The following DST variants were observed in gnomAD, a reference collection of about 807,000 sequenced individuals.
DST encodes the protein bullous pemphigoid antigen.
A neutral mutation model predicts 875.2 loss-of-function variants in DST; 253 were observed. That is an observed-to-expected ratio of 0.29 (90% confidence interval 0.26 to 0.32). The LOEUF (loss-of-function observed/expected upper bound fraction) is 0.32, where lower values mean the gene tolerates loss of function less well. Among genes scored for constraint, DST ranks in the 10% least tolerant of loss-of-function variants. The pLI, the probability that DST is intolerant of heterozygous loss-of-function variation, is 1.00. For synonymous variants in DST, 3,124 were observed against 3,197.1 expected (o/e 0.98, Z 0.77); for missense variants, 8,287 against 9,111.6 (o/e 0.91, Z 3.68).
chr6:56,727,341 C>T (rs903939857), intron 5 of DST, among the ~76,000 whole-genome samples: 1 of 152,120 alleles, frequency 6.6e-6, no homozygotes, highest in Non-Finnish European at 1.5e-5. Flanking sequence ...GGGCACATTT[C>T]GTCAGGACCT....
chr6:56,788,316 C>T (rs889215570), intron 4 of DST, among the ~76,000 whole-genome samples: 5 of 151,660 alleles, frequency 3.3e-5, no homozygotes, highest in Non-Finnish European at 7.4e-5. Context: ...ATTATCCTGC[C>T]TTAGCCTCCC....
intron 4 of DST, chr6:56,843,157 T>A: frequency 1.3e-6 from 2 of 1,558,518 alleles, no homozygotes; most frequent in Non-Finnish European, 1.7e-6. Flanking sequence ...CCGAAGTTTA[T>A]CTAAGCGATG....
Position 56,597,892 on chromosome 6 carries a change from T to C in DST, c.12043A>G (p.Ile4015Val), listed in dbSNP as rs201249286. The change falls in exon 47 of 104, where the codon ATC becomes GTC. Residue 4015 changes from isoleucine to valine, a missense_variant. This residue lies in a region of DST where 1,513 missense variants were observed against 1,677.8 expected (regional missense o/e 0.90). Transcript: ENST00000680361. ...ERAGTKHKQV[I>V]EQNGTHFQEG... ...TGAAAATGGGTCCCGTTCTGTTCGA[T>C]TACCTGTTTGTGTTTTGTCCCTGCC... 4 of 1,613,714 alleles carry C rather than the reference T, an allele frequency of 2.5e-6. No individual in the cohort carries two copies. Among genetic ancestry groups the C allele is most frequent in the Non-Finnish European group, 1.7e-6 (2 of 1,179,798 alleles).
Position 56,470,385 on chromosome 6 carries a change from G to A in DST, c.22322-103C>T, listed in dbSNP as rs576818501. 5 of 869,490 alleles carry A rather than the reference G, an allele frequency of 5.8e-6. No individual in the cohort carries two copies. The African/African-American group carries it at 8.5e-5, about 15-fold the overall frequency. The allele number at this position is 869,490 out of a possible 1,614,324, so 53.9% of individuals were successfully genotyped here. The stretch of plus-strand genomic sequence containing the variant: ...CAGTGTAGCTGGTTAAATCATCAGT[G>A]ATCAAATATATTAAAATCCTTTTTT... On this transcript the variant is annotated intron_variant, in intron 95 of 103. Coordinates refer to ENST00000680361, the MANE Select transcript of DST (RefSeq NM_001374736.1).
Position 56,634,464 on chromosome 6 carries a change from G to A in DST, c.3492C>T (p.Asn1164=), listed in dbSNP as rs79026338. 3,397 of 1,614,070 alleles carry A rather than the reference G, an allele frequency of 2.1e-3. 59 individuals are homozygous for A. In the African/African-American group the frequency reaches 0.038, roughly 18 times the overall value. The change falls in exon 26 of 104, where the codon AAC becomes AAT. Residue 1164 remains asparagine (N), a splice_region_variant and synonymous_variant. Transcript: ENST00000680361. ...PPNKEAVDLA[N]RIEQQYQNVL... The stretch of plus-strand genomic sequence containing the variant: ...ATTTTTAGCTAATATATACAAACCT[G>A]TTGGCAAGGTCCACCGCTTCTTTGT...
chr6:56,954,329 G>C (rs1824124834), intron 1 of DST, 78 bp downstream of exon 1: 8 of 1,145,610 alleles, frequency 7.0e-6, no homozygotes, highest in African/African-American at 1.6e-5. Flanking sequence ...GAGGAGAAGG[G>C]AGCGAGCCGC....
chr6:56,471,875 T>C, intron 94 of DST, 184 bp downstream of exon 94: 1 of 662,956 alleles, frequency 1.5e-6, no homozygotes, highest in Non-Finnish European at 2.7e-6. Context: ...ATCCCATATA[T>C]CAATATTTCA....
At chr6:56,718,331 T>C (rs905317550) in intron 5 of DST, among the ~76,000 whole-genome samples, 2 of 152,204 alleles carry the variant, frequency 1.3e-5, no homozygotes, top group Non-Finnish European at 2.9e-5. Context: ...TTATTAGTCA[T>C]TAGCAAAATT....
At chr6:56,868,493 T>C (rs915901635) in intron 3 of DST, among the ~76,000 whole-genome samples, 2 of 152,238 alleles carry the variant, frequency 1.3e-5, no homozygotes, top group South Asian at 2.1e-4. Flanking sequence ...GTCAGAGATA[T>C]TGTGTATTGA....
intron 4 of DST, chr6:56,842,909 G>T: frequency 2.7e-6 from 2 of 728,288 alleles, no homozygotes; most frequent in Non-Finnish European, 3.8e-6. Flanking sequence ...ACTAAATCCC[G>T]TGCAAAAAGA....
At chr6:56,482,333 C>T (rs1016131044) in intron 89 of DST, 155 bp from the exon 90 acceptor site, 6 of 873,600 alleles carry the variant, frequency 6.9e-6, no homozygotes, top group Non-Finnish European at 9.5e-6. Flanking sequence ...GATAGAGATA[C>T]ACATATTTTA....
At chr6:56,793,019 T>C (rs1042114349) in intron 4 of DST, among the ~76,000 whole-genome samples, 1 of 125,422 alleles carries the variant, frequency 8.0e-6, no homozygotes, top group Admixed American at 1.1e-4. Flanking sequence ...AGTGAGCCCA[T>C]GATCGCACCA....
chr6:56,849,481 G>A (rs1284755137), intron 4 of DST, among the ~76,000 whole-genome samples: 1 of 152,048 alleles, frequency 6.6e-6, no homozygotes, highest in Admixed American at 6.6e-5. Flanking sequence ...TGCATCACCT[G>A]CCACCAACTT....
intron 2 of DST, among the ~76,000 whole-genome samples, chr6:56,947,424 T>A (rs892997351): frequency 3.9e-5 from 6 of 152,078 alleles, no homozygotes; most frequent in Non-Finnish European, 5.9e-5. Context: ...CTAATTTTTG[T>A]ATTTTAGTAA....
chr6:56,496,275 A>C (rs2095899852), intron 82 of DST, among the ~76,000 whole-genome samples: 1 of 152,194 alleles, frequency 6.6e-6, no homozygotes, highest in Admixed American at 6.5e-5. Context: ...TCTATGAAAG[A>C]AAGCCCACAT....
chr6:56,677,417 A>G (rs1018310830), intron 9 of DST, among the ~76,000 whole-genome samples: 2 of 152,102 alleles, frequency 1.3e-5, no homozygotes, highest in African/African-American at 2.4e-5. Context: ...CCTGGGCTCA[A>G]CTGATCCTCC....
chr6:56,470,010 A>T, intron 96 of DST, 53 bp from the exon 97 acceptor site: 1 of 1,605,344 alleles, frequency 6.2e-7, no homozygotes, highest in Non-Finnish European at 8.5e-7. Flanking sequence ...TACATAGTAC[A>T]ATCCTTAAAA....
intron 67 of DST, among the ~76,000 whole-genome samples, chr6:56,528,195 A>T (rs576800486): frequency 6.6e-6 from 1 of 152,304 alleles, no homozygotes; most frequent in East Asian, 1.9e-4. Context: ...TTTGACACAC[A>T]GAAAAACTGT....
chr6:56,604,872 G>A lies in DST; in HGVS notation c.9756C>T (p.Ser3252=). The part of the protein sequence containing the change: ...IQSNDLCSKE[S]ISGGGTEISQ... ...AAATTTCTGTTCCTCCTCCTGAGAT[G>A]CTTTCTTTACTACAAAGATCATTGC... The change falls in exon 40 of 104, where the codon AGC becomes AGT. Residue 3252 remains serine (S), a synonymous_variant. Coordinates refer to ENST00000680361, the MANE Select transcript of DST (RefSeq NM_001374736.1). The A allele has an allele frequency of 6.2e-7, 1 of 1,612,524 alleles. No homozygotes were observed.
Sources: allele counts gnomAD v4.1 joint callset (sites outside exome capture counted in the v4.1 genomes callset), GRCh38; gene constraint gnomAD v4.1.1; regional missense constraint gnomAD v4.1.1; transcripts MANE v1.5; gene names NCBI Gene and HGNC (gene_info 2026-07-23, HGNC 2026-07-21).